The following MPND variants were observed in gnomAD, a reference collection of about 807,000 sequenced individuals.
MPND encodes MPN domain containing, also known as MPN domain-containing protein.
A neutral mutation model predicts 59.2 loss-of-function variants in MPND; 56 were observed. The observed-to-expected ratio is 0.95, with a 90% CI of 0.76 to 1.18. The LOEUF (loss-of-function observed/expected upper bound fraction) is 1.18, where lower values mean the gene tolerates loss of function less well. MPND is among the 50% of genes most tolerant of loss of function. The pLI is 0.00. For missense variants in MPND, 671 were observed against 676.0 expected (o/e 0.99, Z 0.08); for synonymous variants, 323 against 291.9 (o/e 1.11, Z -1.09).
At chr19:4,357,735 GC>G in intron 10 of MPND, 150 bp downstream of exon 10, 1 of 773,062 alleles carries the variant, frequency 1.3e-6, no homozygotes, top group Non-Finnish European at 2.1e-6. Context: ...CTGCTGCCCT[GC>G]CCATATTTTG....
Position 4,357,302 on chromosome 19 carries a change from A to G in MPND, c.1046A>G (p.His349Arg). The change falls in exon 9 of 13, where the codon CAC becomes CGC. Residue 349 changes from histidine (H) to arginine (R), a missense_variant. His to Arg is a conservative substitution (Grantham distance 29). Coordinates refer to ENST00000599840, the MANE Select transcript of MPND (RefSeq NM_001300862.2). The part of the protein sequence containing the change: ...LRGLSLVGWY[H>R]SHPHSPALPS... ...GGCCTGTCCCTGGTGGGCTGGTACC[A>G]CAGCCACCCACACAGCCCGGCGCTG... is the stretch of plus-strand genomic sequence containing the variant. 1 of 1,612,884 alleles carries G rather than the reference A, an allele frequency of 6.2e-7. No homozygotes were observed. Among genetic ancestry groups the G allele is most frequent in the South Asian group, 1.1e-5 (1 of 91,016 alleles).
intron 12 of MPND, among the ~76,000 whole-genome samples, chr19:4,359,678 GA>G (rs1972535024): frequency 6.6e-6 from 1 of 152,180 alleles, no homozygotes; most frequent in Non-Finnish European, 1.5e-5. Flanking sequence ...GTGGGGGCAG[GA>G]TCGGGAGTGT....
Position 4,357,610 on chromosome 19 carries a change from T to TG in MPND, c.1236+31dup, listed in dbSNP as rs750093141. The TG allele has an allele frequency of 3.1e-6, 5 of 1,593,046 alleles. No individual in the cohort carries two copies. The African/African-American group carries it at 4.0e-5, about 13-fold the overall frequency. On this transcript the variant is annotated intron_variant, in intron 10 of 12. Coordinates refer to ENST00000599840, the MANE Select transcript of MPND (RefSeq NM_001300862.2). ...GGTAGGTGGGGCTGTTGGGAGAGCC[T>TG]GGGGGGCCCGGGAGCACTGGGGCAT... is the stretch of plus-strand genomic sequence containing the variant.
intron 8 of MPND, 54 bp from the exon 9 acceptor site, chr19:4,357,199 C>T: frequency 1.3e-6 from 2 of 1,511,144 alleles, no homozygotes; most frequent in East Asian, 2.3e-5. Context: ...GCCACATAAG[C>T]TCACTAGAGC....
At chr19:4,343,627 C>T in intron 1 of MPND, 27 bp downstream of exon 1, 5 of 779,850 alleles carry the variant, frequency 6.4e-6, no homozygotes, top group Non-Finnish European at 8.1e-6. Flanking sequence ...GGGGCGGAGG[C>T]GCGGGGCGCG....
intron 5 of MPND, 79 bp downstream of exon 5, chr19:4,354,208 TG>T (rs1568398911): frequency 6.0e-6 from 9 of 1,501,646 alleles, no homozygotes; most frequent in Middle Eastern, 1.8e-4. Flanking sequence ...AGGGCAGGGG[TG>T]GGGGGTGGGA....
At chr19:4,351,252 C>T (rs904147001) in intron 3 of MPND, among the ~76,000 whole-genome samples, 3 of 151,972 alleles carry the variant, frequency 2.0e-5, no homozygotes, top group African/African-American at 4.8e-5. Context: ...TGCAGGTGTT[C>T]GCCACCATGC....
Position 4,352,920 on chromosome 19 carries a change from G to A in MPND, c.555G>A (p.Glu185=). 3 of 1,400,454 alleles carry A rather than the reference G, an allele frequency of 2.1e-6. No homozygotes were observed. The highest frequency in any genetic ancestry group is 2.8e-6 in the Non-Finnish European group (3 of 1,068,146). 86.8% of individuals were successfully genotyped at this position (1,400,454 alleles called of 1,614,324 possible). A position where few individuals can be genotyped will look rare whatever the true frequency, so the allele number is the denominator to read the frequency against. Residue 185 remains glutamate, a synonymous_variant, in exon 4 of 13, where the codon GAG becomes GAA. Transcript: ENST00000599840. The part of the protein sequence containing the change: ...ADESPASEGE[E]EELLMEEEEE... The stretch of plus-strand genomic sequence containing the variant: ...AGAGCCCAGCCAGTGAAGGGGAGGA[G>A]GAGGAGTTGCTGATGGAAGAGGAGG...
intron 6 of MPND, 100 bp downstream of exon 6, chr19:4,354,520 C>G (rs1303335935): frequency 1.0e-6 from 1 of 966,896 alleles, no homozygotes; most frequent in East Asian, 2.6e-5. Context: ...GAGCTGGGGC[C>G]TTGTCTGCTT....
Position 4,354,998 on chromosome 19 carries a change from G to C in MPND, c.896G>C (p.Gly299Ala), listed in dbSNP as rs1271336634. 3 of 1,604,686 alleles carry C rather than the reference G, an allele frequency of 1.9e-6. No individual in the cohort carries two copies. The highest frequency in any genetic ancestry group is 2.6e-6 in the Non-Finnish European group (3 of 1,175,596). The change falls in exon 7 of 13, where the codon GGC (glycine) becomes GCC (alanine). Residue 299 changes from glycine (G) to alanine (A), a missense_variant. Transcript: ENST00000599840. ...TRSEVVGYLG[G>A]RWDVNSQMLT... ...AGTGAGGTCGTGGGTTACCTGGGGG[G>C]CCGCTGGGACGTCAACAGCCAGAGT...
chr19:4,357,585 G>A lies in MPND; in HGVS notation c.1236G>A (p.Glu412=). ...ISPFWVMPPP[E]QRPSDYGIPM... Reference sequence around the variant, plus strand: ...CTTTCTGGGTGATGCCTCCTCCCGAGGTAGGTGGGGCTGTTGGGAGAGCCT... The same window carrying A: ...CTTTCTGGGTGATGCCTCCTCCCGAAGTAGGTGGGGCTGTTGGGAGAGCCT... The change falls in exon 10 of 13, where the codon GAG becomes GAA. Residue 412 remains glutamate (E), a splice_region_variant and synonymous_variant. Transcript: ENST00000599840. 6.2e-7 allele frequency: 1 copy of A among 1,610,002 alleles called. No individual in the cohort carries two copies. The highest frequency in any genetic ancestry group is 8.5e-7 in the Non-Finnish European group (1 of 1,178,174).
At chr19:4,354,737 G>A (rs577757890) in intron 6 of MPND, among the ~76,000 whole-genome samples, 1 of 152,312 alleles carries the variant, frequency 6.6e-6, no homozygotes, top group Non-Finnish European at 1.5e-5. Flanking sequence ...GGTGGTGCAC[G>A]CCTCTAATCC....
At chr19:4,352,782 T>C in intron 3 of MPND, 115 bp from the exon 4 acceptor site, 1 of 1,082,832 alleles carries the variant, frequency 9.2e-7, no homozygotes, top group Non-Finnish European at 1.2e-6. Flanking sequence ...CTAGTGGTCA[T>C]GTGGGGCAAT....
chr19:4,359,268 T>A lies in MPND; in HGVS notation c.1419+13T>A. 6.2e-7 allele frequency: 1 copy of A among 1,607,744 alleles called. No individual in the cohort carries two copies. The highest frequency in any genetic ancestry group is 8.5e-7 in the Non-Finnish European group (1 of 1,175,732). On this transcript the variant is annotated intron_variant, in intron 12 of 12. Coordinates refer to ENST00000599840, the MANE Select transcript of MPND (RefSeq NM_001300862.2). ...CGACAAGCTTAAGGTGAGCCCCAAG[T>A]CCCCGCAGACCTCCTAACGGGGCCC...
Position 4,343,925 on chromosome 19 carries a change from C to G in MPND, c.225C>G (p.Val75=). The G allele has an allele frequency of 7.6e-7, 1 of 1,318,480 alleles. No individual in the cohort carries two copies. The highest frequency in any genetic ancestry group is 9.7e-7 in the Non-Finnish European group (1 of 1,034,492). 81.7% of individuals were successfully genotyped at this position (1,318,480 alleles called of 1,614,324 possible). ...GGGGCGCGCTCACCAGGCGCGCGGT[C>G]ACACTGCGGGTGCTCCTCAAAGACG... ...GPGGALTRRA[V]TLRVLLKDAL... The change falls in exon 2 of 13, where the codon GTC becomes GTG. Residue 75 remains valine (V), a synonymous_variant. Coordinates refer to ENST00000599840, the MANE Select transcript of MPND (RefSeq NM_001300862.2).
rs905010643 is a variant in MPND at position 4,343,587 on chromosome 19, C to A, written c.-7C>A. On this transcript the variant is annotated 5_prime_UTR_variant, in exon 1 of 13. Transcript: ENST00000599840. The stretch of plus-strand genomic sequence containing the variant: ...GTCTAGAGCTCCGGGCGCGGGGAGG[C>A]GCGGCCATGGCAGGTACGGCGGGCC... 1 of 1,219,528 alleles carries A rather than the reference C, an allele frequency of 8.2e-7. No homozygotes were observed. Among genetic ancestry groups the A allele is most frequent in the Non-Finnish European group, 1.0e-6 (1 of 980,014 alleles). 75.5% of individuals were successfully genotyped at this position (1,219,528 alleles called of 1,614,324 possible). A position where few individuals can be genotyped will look rare whatever the true frequency, so the allele number is the denominator to read the frequency against.
chr19:4,359,531 CCT>C (rs999771773), intron 12 of MPND, among the ~76,000 whole-genome samples: 24 of 152,136 alleles, frequency 1.6e-4, no homozygotes, highest in Non-Finnish European at 2.2e-4. Flanking sequence ...CCTGGCCACC[CCT>C]GAGTGTCTTA....
chr19:4,355,456 C>T (rs1972417494), intron 8 of MPND, among the ~76,000 whole-genome samples: 1 of 151,942 alleles, frequency 6.6e-6, no homozygotes, highest in South Asian at 2.1e-4. Context: ...CTGCCTCAGC[C>T]TCCTGAATAG....
intron 2 of MPND, among the ~76,000 whole-genome samples, chr19:4,344,735 CTT>C (rs369442146): frequency 2.2e-3 from 284 of 126,944 alleles, no homozygotes; most frequent in African/African-American, 7.5e-3. Context: ...GGTATTAGTA[CTT>C]TTTTTTTTTT....
Sources: gnomAD v4.1 joint callset for allele counts (sites outside exome capture counted in the v4.1 genomes callset) on GRCh38, gnomAD v4.1.1 for gene constraint, MANE v1.5 for transcripts, NCBI Gene and HGNC (gene_info 2026-07-23, HGNC 2026-07-21) for gene names.